NSL1: variants seen among roughly 807,000 people sequenced by gnomAD.
NSL1 encodes the protein NSL1 component of MIS12 kinetochore complex, also known as kinetochore-associated protein NSL1 homolog.
NSL1 carries 11 observed loss-of-function variants against 25.4 expected under a neutral mutation model. That is an observed-to-expected ratio of 0.43 (90% confidence interval 0.27 to 0.72). NSL1 has a LOEUF of 0.72. Ranked by LOEUF, NSL1 falls within the 30% of genes least tolerant of loss-of-function variation. The probability of loss-of-function intolerance (pLI) is 0.19; values close to 1 mark genes in which losing one functional copy is unlikely to be tolerated. For synonymous variants in NSL1, 118 were observed against 120.6 expected (o/e 0.98, Z 0.14); for missense variants, 330 against 342.7 (o/e 0.96, Z 0.29).
At chr1:212,739,510 AT>A (rs777432714) in intron 5 of NSL1, 23 bp downstream of exon 5, 4 of 1,609,858 alleles carry the variant, frequency 2.5e-6, no homozygotes, top group Non-Finnish European at 2.5e-6. Flanking sequence ...TCATTTGATA[AT>A]TTTTTTAGCA....
chr1:212,776,377 AAAT>A (rs1224235962), intron 4 of NSL1, among the ~76,000 whole-genome samples: 2 of 151,166 alleles, frequency 1.3e-5, no homozygotes, highest in African/African-American at 2.4e-5. Flanking sequence ...AAAAAATAAT[AAAT>A]AATAATAATA....
chr1:212,736,914 T>A lies in NSL1; in HGVS notation c.*1494A>T, dbSNP rs1222255314. The A allele has an allele frequency of 1.0e-6, 1 of 983,856 alleles. No individual in the cohort carries two copies. Among genetic ancestry groups the A allele is most frequent in the Non-Finnish European group, 1.2e-6 (1 of 828,566 alleles). 60.9% of individuals were successfully genotyped at this position (983,856 alleles called of 1,614,324 possible). ...TGTTCTTATATAATCAAAATGCAAG[T>A]AGCTTATATAATCTAATAGAATTAA... On this transcript the variant is annotated 3_prime_UTR_variant, in exon 6 of 6. Coordinates refer to ENST00000366977, the MANE Select transcript of NSL1 (RefSeq NM_015471.4).
Position 212,782,375 on chromosome 1 carries a change from G to C in NSL1, c.496C>G (p.Pro166Ala). 3 of 1,607,996 alleles carry C rather than the reference G, an allele frequency of 1.9e-6. No individual in the cohort carries two copies. Among genetic ancestry groups the C allele is most frequent in the South Asian group, 2.2e-5 (2 of 90,924 alleles). Reference protein sequence around the residue: ...HPLDLKYDPDPAPHMENLKCR... With the variant: ...HPLDLKYDPDAAPHMENLKCR... ...CCACAAATGGATACTGACTCACCTG[G>C]ATCAGGGTCATATTTTAGGTCCAGT... Residue 166 changes from proline (P) to alanine (A), a missense_variant, in exon 4 of 6, where the codon CCA becomes GCA. By Grantham distance (27) the Pro-to-Ala change is conservative. Transcript: ENST00000366977.
rs1558031698 is a variant in NSL1, at chr1:212,728,191, T to C, written c.*10217A>G. On this transcript the variant is annotated 3_prime_UTR_variant, in exon 6 of 6. Coordinates refer to ENST00000366977, the MANE Select transcript of NSL1 (RefSeq NM_015471.4). ...TGAAGCTTTTAGCATGATCATGGCA[T>C]GTAGTAAGCACTCAATACATGGTAA... The C allele has an allele frequency of 2.2e-6, 2 of 922,012 alleles. No homozygotes were observed. The highest frequency in any genetic ancestry group is 6.2e-5 in the Admixed American group (1 of 16,228). The allele number at this position is 922,012 out of a possible 1,614,324, so 57.1% of individuals were successfully genotyped here. A position where few individuals can be genotyped will look rare whatever the true frequency, so the allele number is the denominator to read the frequency against.
chr1:212,774,482 T>A (rs1206587652), intron 4 of NSL1, among the ~76,000 whole-genome samples: 1 of 152,156 alleles, frequency 6.6e-6, no homozygotes, highest in East Asian at 1.9e-4. Flanking sequence ...AGAACCAGTA[T>A]AACTCAACAA....
chr1:212,791,769 G>A lies in NSL1; in HGVS notation c.-6C>T, dbSNP rs1237297935. 3 of 1,602,176 alleles carry A rather than the reference G, an allele frequency of 1.9e-6. No individual in the cohort carries two copies. In the Admixed American group the frequency reaches 5.1e-5, roughly 27 times the overall value. Reference sequence around the variant, plus strand: ...AACTCAGGAGACCCCGCCATTTTTCGTCGGAACTGTGGGCGGGGCACTCTG... The same window carrying A: ...AACTCAGGAGACCCCGCCATTTTTCATCGGAACTGTGGGCGGGGCACTCTG... On this transcript the variant is annotated 5_prime_UTR_variant, in exon 1 of 6. In the 5' UTR this introduces an upstream ATG that the reference lacks. Coordinates refer to ENST00000366977, the MANE Select transcript of NSL1 (RefSeq NM_015471.4).
chr1:212,745,159 ACT>A (rs1558041742), intron 4 of NSL1, among the ~76,000 whole-genome samples: 6 of 75,602 alleles, frequency 7.9e-5, no homozygotes, highest in African/African-American at 2.7e-4. Flanking sequence ...AAACAAACAA[ACT>A]ATATATATAT....
intron 3 of NSL1, among the ~76,000 whole-genome samples, chr1:212,783,023 T>C (rs1161537741): frequency 6.6e-6 from 1 of 152,068 alleles, no homozygotes; most frequent in Non-Finnish European, 1.5e-5. Context: ...AAAAAGGTCT[T>C]CAGCCAGCTG....
intron 4 of NSL1, among the ~76,000 whole-genome samples, chr1:212,763,080 G>A (rs1659647429): frequency 6.6e-6 from 1 of 152,190 alleles, no homozygotes; most frequent in African/African-American, 2.4e-5. Flanking sequence ...AGTTCCGTGC[G>A]CAGACTGCCT....
At chr1:212,742,252 T>C (rs1658541441) in intron 4 of NSL1, among the ~76,000 whole-genome samples, 1 of 152,178 alleles carries the variant, frequency 6.6e-6, no homozygotes, top group South Asian at 2.1e-4. Flanking sequence ...CTACTTATAA[T>C]GAGTAAGCTT....
rs142598082 is a variant in NSL1 at position 212,730,774 on chromosome 1, G to C, written c.*7634C>G. 14 of 985,376 alleles carry C rather than the reference G, an allele frequency of 1.4e-5. No individual in the cohort carries two copies. The highest frequency in any genetic ancestry group is 1.7e-5 in the Non-Finnish European group (14 of 829,912). 61.0% of individuals were successfully genotyped at this position (985,376 alleles called of 1,614,324 possible). A position where few individuals can be genotyped will look rare whatever the true frequency, so the allele number is the denominator to read the frequency against. On this transcript the variant is annotated 3_prime_UTR_variant, in exon 6 of 6. Transcript: ENST00000366977. Reference sequence around the variant, plus strand: ...TAGTTCTAGTAGACAGGAGACTCTGGAGTCCTAATTCAGGTCAGTTTCCCA... The same window carrying C: ...TAGTTCTAGTAGACAGGAGACTCTGCAGTCCTAATTCAGGTCAGTTTCCCA...
At chr1:212,754,560 T>G (rs1292834101) in intron 4 of NSL1, among the ~76,000 whole-genome samples, 1 of 151,632 alleles carries the variant, frequency 6.6e-6, no homozygotes, top group Non-Finnish European at 1.5e-5. Context: ...GTGGATCACG[T>G]GAGGTCAGGA....
intron 4 of NSL1, among the ~76,000 whole-genome samples, chr1:212,761,614 C>G (rs1397147853): frequency 2.0e-5 from 3 of 151,604 alleles, no homozygotes; most frequent in South Asian, 4.2e-4. Context: ...AGCCTGGGAC[C>G]CTGTCTGAAA....
chr1:212,729,526 G>A lies in NSL1; in HGVS notation c.*8882C>T, dbSNP rs1657922424. 6 of 985,390 alleles carry A rather than the reference G, an allele frequency of 6.1e-6. No individual in the cohort carries two copies. The African/African-American group carries it at 7.0e-5, about 11-fold the overall frequency. The allele number at this position is 985,390 out of a possible 1,614,324, so 61.0% of individuals were successfully genotyped here. ...GGGGTGTATGGGACCTGGAGCAGGGGTGCCCTACAACTTTGCCCATTTTTA... is the reference window on the plus strand; with the variant it reads ...GGGGTGTATGGGACCTGGAGCAGGGATGCCCTACAACTTTGCCCATTTTTA... On this transcript the variant is annotated 3_prime_UTR_variant, in exon 6 of 6. Transcript: ENST00000366977.
At chr1:212,781,214 C>T (rs191151553) in intron 4 of NSL1, among the ~76,000 whole-genome samples, 11 of 152,264 alleles carry the variant, frequency 7.2e-5, no homozygotes, top group African/African-American at 2.6e-4. Flanking sequence ...ATAATCAGAA[C>T]AGTGAAAGTA....
At chr1:212,750,342 T>C (rs757881536) in intron 4 of NSL1, among the ~76,000 whole-genome samples, 1 of 151,744 alleles carries the variant, frequency 6.6e-6, no homozygotes, top group Non-Finnish European at 1.5e-5. Context: ...GAGGATGTGA[T>C]ACATCAAAGA....
chr1:212,762,290 T>C (rs116198092), intron 4 of NSL1, among the ~76,000 whole-genome samples: 1,831 of 134,870 alleles, frequency 0.014, 33 homozygotes, highest in African/African-American at 0.05. Context: ...AGAGTCTCAC[T>C]CTGTCTTAAA....
rs1658113072 is a variant in NSL1 at position 212,733,502 on chromosome 1, T to C, written c.*4906A>G. Among the ~76,000 whole-genome samples the C allele has an allele frequency of 6.6e-6, 1 of 152,170 alleles. No individual in the cohort carries two copies. The highest frequency in any genetic ancestry group is 1.5e-5 in the Non-Finnish European group (1 of 68,032). On this transcript the variant is annotated 3_prime_UTR_variant, in exon 6 of 6. Coordinates refer to ENST00000366977, the MANE Select transcript of NSL1 (RefSeq NM_015471.4). ...CCTATTCCTTCCACCCTCTCCATCTTTCCAGCCTTAGGCAGTGACAGATCT... is the reference window on the plus strand; with the variant it reads ...CCTATTCCTTCCACCCTCTCCATCTCTCCAGCCTTAGGCAGTGACAGATCT...
At position 212,731,448 on chromosome 1, in the gene NSL1, G is replaced by A. The variant is rs1658012825; in HGVS notation, c.*6960C>T. 15 of 985,162 alleles carry A rather than the reference G, an allele frequency of 1.5e-5. No homozygotes were observed. The highest frequency in any genetic ancestry group is 1.7e-5 in the African/African-American group (1 of 57,184). The allele number at this position is 985,162 out of a possible 1,614,324, so 61.0% of individuals were successfully genotyped here. ...ACGCCTGTTTTGAAACCCTGAGAAA[G>A]CTTCTGAAACCCTGAAAAACTGAAA... is the stretch of plus-strand genomic sequence containing the variant. On this transcript the variant is annotated 3_prime_UTR_variant, in exon 6 of 6. Transcript: ENST00000366977.
Sources: allele counts gnomAD v4.1 joint callset (sites outside exome capture counted in the v4.1 genomes callset), GRCh38; gene constraint gnomAD v4.1.1; transcripts MANE v1.5; gene names NCBI Gene and HGNC (gene_info 2026-07-23, HGNC 2026-07-21).